ARHGEF38: variants seen among roughly 807,000 people sequenced by gnomAD.
ARHGEF38 encodes the protein Rho guanine nucleotide exchange factor (GEF) 38.
Under a neutral mutation model 79.9 loss-of-function variants are expected in ARHGEF38, and 79 were observed. The ratio of observed to expected loss-of-function variants is 0.99; its 90% CI spans 0.82 to 1.19. The LOEUF is 1.19. ARHGEF38 is among the 50% of genes most tolerant of loss of function. The pLI is 0.00. For synonymous variants in ARHGEF38, 366 were observed against 328.3 expected, an observed-to-expected ratio of 1.11 and a Z score of -1.24; for missense variants, 962 against 907.2, an observed-to-expected ratio of 1.06 and a Z score of -0.78.
At chr4:105,665,428 C>T (rs1225003884) in intron 10 of ARHGEF38, among the ~76,000 whole-genome samples, 2 of 151,622 alleles carry the variant, frequency 1.3e-5, no homozygotes, top group African/African-American at 2.4e-5. Flanking sequence ...ACCAGGGAGT[C>T]GGAGGTTGCA....
At chr4:105,575,825 A>G (rs575360157) in intron 1 of ARHGEF38, among the ~76,000 whole-genome samples, 1 of 152,282 alleles carries the variant, frequency 6.6e-6, no homozygotes, top group African/African-American at 2.4e-5. Flanking sequence ...TTATTTTTGT[A>G]TAAGGTGAGA....
intron 1 of ARHGEF38, among the ~76,000 whole-genome samples, chr4:105,583,787 T>C (rs1726908353): frequency 6.6e-6 from 1 of 152,194 alleles, no homozygotes. Context: ...ATTTATTTGT[T>C]AAGCATTCAA....
At chr4:105,576,569 T>C (rs892019510) in intron 1 of ARHGEF38, among the ~76,000 whole-genome samples, 1 of 152,174 alleles carries the variant, frequency 6.6e-6, no homozygotes, top group African/African-American at 2.4e-5. Flanking sequence ...TAAGAGTCTT[T>C]TGAAGGAAAA....
intron 7 of ARHGEF38, among the ~76,000 whole-genome samples, chr4:105,649,934 G>A (rs1730029624): frequency 6.6e-6 from 1 of 152,144 alleles, no homozygotes; most frequent in Non-Finnish European, 1.5e-5. Context: ...GTTTGTTTGG[G>A]GGCACATAAC....
intron 5 of ARHGEF38, 35 bp from the exon 6 acceptor site, chr4:105,645,153 G>T: frequency 7.9e-7 from 1 of 1,265,356 alleles, no homozygotes; most frequent in Middle Eastern, 2.0e-4. Context: ...TAAAACATAT[G>T]TTTGTGAAAC....
At chr4:105,636,755 A>T (rs974183711) in intron 5 of ARHGEF38, among the ~76,000 whole-genome samples, 5 of 152,094 alleles carry the variant, frequency 3.3e-5, no homozygotes, top group Non-Finnish European at 7.4e-5. Flanking sequence ...ATTAGTCTTT[A>T]AAAAATCTCA....
intron 2 of ARHGEF38, among the ~76,000 whole-genome samples, chr4:105,608,461 T>C (rs1441530188): frequency 6.6e-6 from 1 of 151,928 alleles, no homozygotes; most frequent in Non-Finnish European, 1.5e-5. Flanking sequence ...CTTGTACATA[T>C]ATGCAGGGTA....
chr4:105,642,246 A>G (rs1477700398), intron 5 of ARHGEF38, among the ~76,000 whole-genome samples: 2 of 152,144 alleles, frequency 1.3e-5, no homozygotes, highest in African/African-American at 4.8e-5. Flanking sequence ...TGTGCGATGC[A>G]GTTTTCTGAA....
At chr4:105,576,365 C>G (rs1014660590) in intron 1 of ARHGEF38, among the ~76,000 whole-genome samples, 3 of 149,546 alleles carry the variant, frequency 2.0e-5, no homozygotes, top group Non-Finnish European at 4.4e-5. Context: ...ATTTTCACCT[C>G]CTTGGTTAAG....
intron 5 of ARHGEF38, among the ~76,000 whole-genome samples, chr4:105,643,951 C>T (rs777984442): frequency 4.7e-5 from 7 of 148,188 alleles, no homozygotes; most frequent in Non-Finnish European, 1.0e-4. Context: ...ACTGCAGCCT[C>T]GACCTCCCCA....
chr4:105,575,163 T>C (rs920595971), intron 1 of ARHGEF38, among the ~76,000 whole-genome samples: 41 of 152,142 alleles, frequency 2.7e-4, no homozygotes, highest in African/African-American at 9.7e-4. Flanking sequence ...ACTTCTTTCC[T>C]TTGGGTAGAT....
intron 2 of ARHGEF38, among the ~76,000 whole-genome samples, chr4:105,610,083 C>T (rs1728224649): frequency 6.6e-6 from 1 of 152,228 alleles, no homozygotes; most frequent in East Asian, 1.9e-4. Flanking sequence ...TGGAAGCTAT[C>T]ATCCTCTGCA....
intron 9 of ARHGEF38, among the ~76,000 whole-genome samples, chr4:105,656,963 G>A (rs369791820): frequency 6.0e-4 from 92 of 152,180 alleles, no homozygotes; most frequent in African/African-American, 2.1e-3. Context: ...ACAGGTCAAC[G>A]ACAGATGAAT....
intron 11 of ARHGEF38, among the ~76,000 whole-genome samples, 158 bp downstream of exon 11, chr4:105,666,478 A>C (rs1730754084): frequency 6.6e-6 from 1 of 152,216 alleles, no homozygotes; most frequent in Non-Finnish European, 1.5e-5. Context: ...ATATACCATA[A>C]GCTCCATAAG....
intron 3 of ARHGEF38, among the ~76,000 whole-genome samples, chr4:105,618,276 G>A (rs190519642): frequency 2.6e-5 from 4 of 152,182 alleles, no homozygotes; most frequent in South Asian, 2.1e-4. Flanking sequence ...ATATCAATGA[G>A]TTCTTGCTGA....
At chr4:105,668,843 G>T (rs1457463959) in intron 13 of ARHGEF38, among the ~76,000 whole-genome samples, 1 of 152,060 alleles carries the variant, frequency 6.6e-6, no homozygotes, top group African/African-American at 2.4e-5. Context: ...GGCTGAGTTT[G>T]AGGACAGCCT....
chr4:105,552,816 G>A lies in ARHGEF38; in HGVS notation c.51G>A (p.Lys17=). ...TGKENMVTKK[K]NLAFLRSRLY... is the part of the protein sequence containing the mutation. ...AAGAAAACATGGTCACCAAGAAAAAGAATCTGGCCTTCTTGAGGTCTAGAC... is the reference window on the plus strand; with the variant it reads ...AAGAAAACATGGTCACCAAGAAAAAAAATCTGGCCTTCTTGAGGTCTAGAC... Residue 17 remains lysine, a synonymous_variant, in exon 1 of 14, where the codon AAG becomes AAA. Transcript: ENST00000420470. 6.2e-7 allele frequency: 1 copy of A among 1,612,902 alleles called. No homozygotes were observed. Among genetic ancestry groups the A allele is most frequent in the Non-Finnish European group, 8.5e-7 (1 of 1,179,634 alleles).
chr4:105,638,888 C>T (rs906834537), intron 5 of ARHGEF38, among the ~76,000 whole-genome samples: 3 of 151,892 alleles, frequency 2.0e-5, no homozygotes, highest in African/African-American at 7.3e-5. Context: ...TTATTGATGT[C>T]ATAAGTTTAT....
chr4:105,613,740 A>G (rs1228113213), intron 3 of ARHGEF38, among the ~76,000 whole-genome samples: 2 of 152,024 alleles, frequency 1.3e-5, no homozygotes, highest in Non-Finnish European at 1.5e-5. Flanking sequence ...TTGCTTTTTA[A>G]TTTCCAATCT....
Sources: gnomAD v4.1 joint callset for allele counts (sites outside exome capture counted in the v4.1 genomes callset) on GRCh38, gnomAD v4.1.1 for gene constraint, MANE v1.5 for transcripts, NCBI Gene and HGNC (gene_info 2026-07-23, HGNC 2026-07-21) for gene names.